The following PSME4 variants were observed in gnomAD, a reference collection of about 807,000 sequenced individuals.
PSME4 encodes the protein proteasome activator subunit 4.
A neutral mutation model predicts 253.9 loss-of-function variants in PSME4; 89 were observed. The observed-to-expected ratio is 0.35, with a 90% confidence interval of 0.30 to 0.42. The LOEUF (loss-of-function observed/expected upper bound fraction) is 0.42, where lower values mean the gene tolerates loss of function less well. Among genes scored for constraint, PSME4 ranks in the 10% least tolerant of loss-of-function variants. The probability of loss-of-function intolerance (pLI) is 1.00; values close to 1 mark genes in which losing one functional copy is unlikely to be tolerated. For synonymous variants in PSME4, 851 were observed against 759.2 expected, an observed-to-expected ratio of 1.12 and a Z score of -1.99; for missense variants, 2,014 against 2,195.2, an observed-to-expected ratio of 0.92 and a Z score of 1.65.
chr2:53,893,504 CTTGT>C (rs1680004929), intron 35 of PSME4, among the ~76,000 whole-genome samples, 166 bp downstream of exon 35: 1 of 152,040 alleles, frequency 6.6e-6, no homozygotes. Flanking sequence ...GTTGTAATGT[CTTGT>C]TTAGGGAATA....
In PSME4 at chr2:53,891,858, C is replaced by CA. The variant is rs76144333; in HGVS notation, c.4191+949dup. Among the ~76,000 whole-genome samples the CA allele has an allele frequency of 9.7e-3, 1,130 of 116,784 alleles. 9 individuals are homozygous for CA. The highest frequency in any genetic ancestry group is 0.014 in the Non-Finnish European group (754 of 54,142). 76.6% of individuals were successfully genotyped at this position (116,784 alleles called of 152,430 possible). On this transcript the variant is annotated intron_variant, in intron 36 of 46. Transcript: ENST00000404125. Reference sequence around the variant, plus strand: ...GATAGGGCGATAGAGTAAGACTGTCCAAAAAAAAAAAAAAAGAGAAGACAG... The same window carrying CA: ...GATAGGGCGATAGAGTAAGACTGTCCAAAAAAAAAAAAAAAAGAGAAGACAG...
intron 41 of PSME4, among the ~76,000 whole-genome samples, chr2:53,877,470 T>G (rs1679190020): frequency 6.6e-6 from 1 of 152,050 alleles, no homozygotes; most frequent in East Asian, 1.9e-4. Flanking sequence ...CTGGACAAAC[T>G]ATCATAGTGA....
At chr2:53,950,736 G>T (rs939352790) in intron 1 of PSME4, among the ~76,000 whole-genome samples, 3 of 151,730 alleles carry the variant, frequency 2.0e-5, no homozygotes, top group African/African-American at 7.3e-5. Flanking sequence ...AGCTACTAGG[G>T]AGGCTGAGGC....
intron 27 of PSME4, among the ~76,000 whole-genome samples, chr2:53,903,064 T>C (rs966794397): frequency 6.6e-6 from 1 of 152,186 alleles, no homozygotes; most frequent in African/African-American, 2.4e-5. Flanking sequence ...GCTCTTCTAT[T>C]TGGCTTCTAA....
chr2:53,908,854 A>C lies in PSME4; in HGVS notation c.2573-14T>G. Reference sequence around the variant, plus strand: ...CTCGAGACAGATCTATTTTGAAAAAATAAAAGAAGGTATTTTAGACACTGA... The same window carrying C: ...CTCGAGACAGATCTATTTTGAAAAACTAAAAGAAGGTATTTTAGACACTGA... On this transcript the variant is annotated splice_polypyrimidine_tract_variant and intron_variant, in intron 21 of 46. Coordinates refer to ENST00000404125, the MANE Select transcript of PSME4 (RefSeq NM_014614.3). The C allele has an allele frequency of 6.3e-7, 1 of 1,589,288 alleles. No homozygotes were observed. Among genetic ancestry groups the C allele is most frequent in the Non-Finnish European group, 8.6e-7 (1 of 1,161,238 alleles).
intron 1 of PSME4, among the ~76,000 whole-genome samples, chr2:53,969,791 C>T (rs1226943963): frequency 1.1e-4 from 17 of 150,932 alleles, no homozygotes; most frequent in Non-Finnish European, 2.9e-5. Flanking sequence ...CTGAGTAACT[C>T]AAAAAATTAA....
At chr2:53,908,666 C>T (rs766010554) in intron 22 of PSME4, 101 bp from the exon 23 acceptor site, 4 of 1,444,636 alleles carry the variant, frequency 2.8e-6, no homozygotes, top group Non-Finnish European at 3.8e-6. Flanking sequence ...AAAATCACTG[C>T]CCAATATTCT....
intron 20 of PSME4, 106 bp downstream of exon 20, chr2:53,919,045 T>C: frequency 2.7e-6 from 3 of 1,131,412 alleles, no homozygotes; most frequent in East Asian, 2.7e-5. Context: ...AATAAAAAGG[T>C]TAAAGTGATA....
intron 42 of PSME4, among the ~76,000 whole-genome samples, chr2:53,875,422 G>A (rs528689747): frequency 6.6e-6 from 1 of 152,302 alleles, no homozygotes; most frequent in South Asian, 2.1e-4. Context: ...TGGCTTGACT[G>A]ACTTGCCCAA....
At chr2:53,955,783 G>A (rs1430959908) in intron 1 of PSME4, among the ~76,000 whole-genome samples, 4 of 150,548 alleles carry the variant, frequency 2.7e-5, no homozygotes, top group African/African-American at 7.3e-5. Flanking sequence ...TTAGCCGGGC[G>A]TGATAGCGCA....
chr2:53,940,982 T>A lies in PSME4; in HGVS notation c.501-982A>T, dbSNP rs1414462370. ...ATATATATATATATATATATATATA[T>A]ATATATATATATATATATGAAAGGA... On this transcript the variant is annotated intron_variant, in intron 3 of 46. Coordinates refer to ENST00000404125, the MANE Select transcript of PSME4 (RefSeq NM_014614.3). Among the ~76,000 whole-genome samples the A allele has an allele frequency of 2.0e-4, 16 of 79,814 alleles. 1 individual carries two copies. Among genetic ancestry groups the A allele is most frequent in the East Asian group, 4.4e-4 (1 of 2,270 alleles). 52.4% of individuals were successfully genotyped at this position (79,814 alleles called of 152,430 possible). A position where few individuals can be genotyped will look rare whatever the true frequency, so the allele number is the denominator to read the frequency against.
At chr2:53,874,559 T>G in intron 42 of PSME4, 65 bp from the exon 43 acceptor site, 3 of 1,416,314 alleles carry the variant, frequency 2.1e-6, no homozygotes, top group Non-Finnish European at 2.9e-6. Context: ...TGACAGATAG[T>G]GACATTACAC....
intron 20 of PSME4, among the ~76,000 whole-genome samples, chr2:53,914,990 T>C (rs561907740): frequency 4.6e-5 from 7 of 152,342 alleles, no homozygotes; most frequent in African/African-American, 1.4e-4. Context: ...AGGACTTGGC[T>C]TTTTATTTTT....
intron 34 of PSME4, among the ~76,000 whole-genome samples, chr2:53,894,474 G>A (rs1680050761): frequency 6.7e-6 from 1 of 149,418 alleles, no homozygotes; most frequent in African/African-American, 2.6e-5. Context: ...GTTTTGCCAT[G>A]TTGCTCAGGA....
Position 53,902,824 on chromosome 2 carries a change from T to G in PSME4, c.3075+1201A>C, listed in dbSNP as rs186197067. ...TGAACATGGCTGTGTTTCAAGAAGTTTTAAAAAAGCAAGCTTTTACTTTTA... is the reference window on the plus strand; with the variant it reads ...TGAACATGGCTGTGTTTCAAGAAGTGTTAAAAAAGCAAGCTTTTACTTTTA... On this transcript the variant is annotated intron_variant, in intron 27 of 46. Coordinates refer to ENST00000404125, the MANE Select transcript of PSME4 (RefSeq NM_014614.3). Among the ~76,000 whole-genome samples, 505 of 152,316 alleles carry G rather than the reference T, an allele frequency of 3.3e-3. 2 individuals are homozygous for G. The highest frequency in any genetic ancestry group is 6.1e-3 in the Non-Finnish European group (416 of 68,024).
chr2:53,946,242 C>T (rs1349320984), intron 3 of PSME4, among the ~76,000 whole-genome samples: 1 of 152,178 alleles, frequency 6.6e-6, no homozygotes. Flanking sequence ...TATGAAGCAG[C>T]AAGAAGGCAT....
In PSME4 at chr2:53,888,700, A is replaced by G. The variant is rs1679752563; in HGVS notation, c.4388+21T>C. The G allele has an allele frequency of 1.9e-6, 3 of 1,543,208 alleles. No individual in the cohort carries two copies. In the South Asian group the frequency reaches 3.4e-5, roughly 17 times the overall value. On this transcript the variant is annotated intron_variant, in intron 38 of 46. Transcript: ENST00000404125. The stretch of plus-strand genomic sequence containing the variant: ...ACAAAACCTTTCGTGTTAACCTCAT[A>G]GGTTTTTTAAAAAAATTTACCATGC...
At chr2:53,911,444 A>ATGTATGTATCCAAAATC (rs1254561242) in intron 20 of PSME4, among the ~76,000 whole-genome samples, 1 of 152,230 alleles carries the variant, frequency 6.6e-6, no homozygotes, top group Admixed American at 6.5e-5. Context: ...GATCAAAAAT[A>ATGTATGTATCCAAAATC]TGTATGTATC....
Position 53,887,971 on chromosome 2 carries a change from T to C in PSME4, c.4407A>G (p.Gln1469=). 6.2e-7 allele frequency: 1 copy of C among 1,611,882 alleles called. No homozygotes were observed. The highest frequency in any genetic ancestry group is 8.5e-7 in the Non-Finnish European group (1 of 1,179,114). The change falls in exon 39 of 47, where the codon CAA becomes CAG. Residue 1469 remains glutamine, a synonymous_variant. Coordinates refer to ENST00000404125, the MANE Select transcript of PSME4 (RefSeq NM_014614.3). ...FVDACRLYVL[Q]GGLAQQEWRV... is the part of the protein sequence containing the mutation. ...TCCATTCTTGCTGGGCAAGGCCACCTTGTAGTACATAAAGTCGACTAAAAT... is the reference window on the plus strand; with the variant it reads ...TCCATTCTTGCTGGGCAAGGCCACCCTGTAGTACATAAAGTCGACTAAAAT...
Sources: gnomAD v4.1 joint callset for allele counts (sites outside exome capture counted in the v4.1 genomes callset) on GRCh38, gnomAD v4.1.1 for gene constraint, MANE v1.5 for transcripts, NCBI Gene and HGNC (gene_info 2026-07-23, HGNC 2026-07-21) for gene names.